The following OSBPL7 variants were observed in gnomAD, a reference collection of about 807,000 sequenced individuals.
OSBPL7 encodes the protein oxysterol binding protein like 7.
A neutral mutation model predicts 115.8 loss-of-function variants in OSBPL7; 66 were observed. The ratio of observed to expected loss-of-function variants is 0.57; its 90% CI spans 0.47 to 0.70. The LOEUF is 0.70. Ranked by LOEUF, OSBPL7 falls within the 30% of genes least tolerant of loss-of-function variation. The pLI is 0.00. For missense variants in OSBPL7, 902 were observed against 1,125.5 expected, an observed-to-expected ratio of 0.80 and a Z score of 2.84; for synonymous variants, 441 against 439.2, an observed-to-expected ratio of 1.00 and a Z score of -0.05.
chr17:47,817,705 CT>C (rs2033269659), intron 7 of OSBPL7, among the ~76,000 whole-genome samples: 1 of 152,108 alleles, frequency 6.6e-6, no homozygotes, highest in Non-Finnish European at 1.5e-5. Context: ...GGACATGACT[CT>C]CCCAACACTG....
rs1299925779 is a variant in OSBPL7, at chr17:47,810,630, A to G, written c.1844T>C (p.Ile615Thr). The change falls in exon 18 of 23, where the codon ATT becomes ACT. Residue 615 changes from isoleucine to threonine, a missense_variant. Ile to Thr is a moderately conservative substitution (Grantham distance 89). This residue lies in a region of OSBPL7 where 230 missense variants were observed against 312.7 expected (regional missense o/e 0.74). Coordinates refer to ENST00000007414, the MANE Select transcript of OSBPL7 (RefSeq NM_145798.3). The part of the protein sequence containing the change: ...KNKFWGKSLE[I>T]VPVGTVNVSL... ...GACGTTGACTGTTCCCACAGGCACAATCTCCAGGGATTTGCCCCAGAACTT... is the reference window on the plus strand; with the variant it reads ...GACGTTGACTGTTCCCACAGGCACAGTCTCCAGGGATTTGCCCCAGAACTT... 1.2e-6 allele frequency: 2 copies of G among 1,614,182 alleles called. No individual in the cohort carries two copies. The highest frequency in any genetic ancestry group is 1.7e-5 in the Admixed American group (1 of 60,020).
Position 47,807,939 on chromosome 17 carries a change from C to A in OSBPL7, c.*352G>T. The A allele has an allele frequency of 3.4e-6, 1 of 295,966 alleles. No homozygotes were observed. The highest frequency in any genetic ancestry group is 6.5e-6 in the Non-Finnish European group (1 of 152,716). The allele number at this position is 295,966 out of a possible 1,614,324, so 18.3% of individuals were successfully genotyped here. ...AGCCTGGGGAGCGTCAAGGAGTCCC[C>A]TGTGTCCTAGGAAGGCACTGAAATA... On this transcript the variant is annotated 3_prime_UTR_variant, in exon 23 of 23. Transcript: ENST00000007414.
chr17:47,817,778 T>G (rs2033271277), intron 7 of OSBPL7, among the ~76,000 whole-genome samples: 1 of 152,192 alleles, frequency 6.6e-6, no homozygotes, highest in Admixed American at 6.5e-5. Flanking sequence ...TCGCTACCCC[T>G]GTTGGTGTGG....
At chr17:47,810,899 C>T (rs146873928) in intron 16 of OSBPL7, 64 bp from the exon 17 acceptor site, 10 of 1,501,600 alleles carry the variant, frequency 6.7e-6, no homozygotes, top group African/African-American at 1.4e-5. Flanking sequence ...CCCAAAGTCC[C>T]TTATTCCCAC....
At chr17:47,818,641 G>A in intron 5 of OSBPL7, 25 bp from the exon 6 acceptor site, 1 of 1,588,432 alleles carries the variant, frequency 6.3e-7, no homozygotes, top group Non-Finnish European at 8.6e-7. Flanking sequence ...GAGAGGGGGA[G>A]GGCTATCTGA....
intron 12 of OSBPL7, 182 bp downstream of exon 12, chr17:47,815,925 A>C: frequency 1.8e-6 from 1 of 558,882 alleles, no homozygotes; most frequent in Non-Finnish European, 3.2e-6. Context: ...AGTACCCTGC[A>C]CGTTGTTACA....
chr17:47,809,199 C>T lies in OSBPL7; in HGVS notation c.2047G>A (p.Val683Ile), dbSNP rs1295865849. 2 of 1,614,070 alleles carry T rather than the reference C, an allele frequency of 1.2e-6. No homozygotes were observed. Among genetic ancestry groups the T allele is most frequent in the East Asian group, 2.2e-5 (1 of 44,900 alleles). The change falls in exon 20 of 23, where the codon GTC becomes ATC. Residue 683 changes from valine to isoleucine, a missense_variant. Physicochemically the swap from Val to Ile is conservative, Grantham distance 29. Transcript: ENST00000007414. ...FCKAKYWSSN[V>I]HEVQGAVLSR... ...AGCACAGCGCCCTGCACCTCGTGGA[C>T]ATTGGAACTCCAGTACTTGGCCTGG...
Position 47,808,116 on chromosome 17 carries a change from T to G in OSBPL7, c.*175A>C. The G allele has an allele frequency of 1.7e-6, 1 of 590,728 alleles. No individual in the cohort carries two copies. The highest frequency in any genetic ancestry group is 3.0e-6 in the Non-Finnish European group (1 of 331,278). The allele number at this position is 590,728 out of a possible 1,614,324, so 36.6% of individuals were successfully genotyped here. On this transcript the variant is annotated 3_prime_UTR_variant, in exon 23 of 23. Transcript: ENST00000007414. This position sits in a 1 kb window ranked among gnomAD's most constrained non-coding sequence, Gnocchi z 6.1. ...CTGCTTCTCACCCCAAACGGTGGGG[T>G]TGGGGGTGGGCTGAGATGCAGACCC... is the stretch of plus-strand genomic sequence containing the variant.
Position 47,818,534 on chromosome 17 carries a change from C to A in OSBPL7, c.452G>T (p.Gly151Val). 1 of 1,608,682 alleles carries A rather than the reference C, an allele frequency of 6.2e-7. No homozygotes were observed. Among genetic ancestry groups the A allele is most frequent in the Non-Finnish European group, 8.5e-7 (1 of 1,177,398 alleles). ...CCGGTGAGCAGTACTGGGCAGTGAG[C>A]CACGGGGCATGTCCAGGCGGTGGGC... is the stretch of plus-strand genomic sequence containing the variant. Reference protein sequence around the residue: ...RLAHRLDMPRGSLPSTAHRKV... With the variant: ...RLAHRLDMPRVSLPSTAHRKV... The change falls in exon 6 of 23, where the codon GGC becomes GTC. Residue 151 changes from glycine to valine, a missense_variant. Gly to Val is a moderately radical substitution (Grantham distance 109, BLOSUM62 -3). Coordinates refer to ENST00000007414, the MANE Select transcript of OSBPL7 (RefSeq NM_145798.3).
At position 47,815,252 on chromosome 17, in the gene OSBPL7, C is replaced by T; in HGVS notation, c.1220G>A (p.Cys407Tyr). 6.2e-7 allele frequency: 1 copy of T among 1,613,896 alleles called. No individual in the cohort carries two copies. The highest frequency in any genetic ancestry group is 8.5e-7 in the Non-Finnish European group (1 of 1,179,940). The change falls in exon 13 of 23, where the codon TGC becomes TAC. Residue 407 changes from cysteine to tyrosine, a missense_variant. Transcript: ENST00000007414. ...AGAGCTGGCGGAGAGGAGAACCTCGCAGGCATCGAAGAACTCCGTGTGGGA... is the reference window on the plus strand; with the variant it reads ...AGAGCTGGCGGAGAGGAGAACCTCGTAGGCATCGAAGAACTCCGTGTGGGA... ...ADSHTEFFDA[C>Y]EVLLSASSSE...
intron 14 of OSBPL7, 35 bp downstream of exon 14, chr17:47,814,483 GCCT>G: frequency 6.5e-5 from 27 of 418,550 alleles, no homozygotes; most frequent in Non-Finnish European, 1.1e-4. Flanking sequence ...TTTTCCACCC[GCCT>G]CCCACCCCTC....
Position 47,807,943 on chromosome 17 carries a change from G to A in OSBPL7, c.*348C>T. The A allele has an allele frequency of 3.1e-6, 1 of 319,236 alleles. No individual in the cohort carries two copies. Among genetic ancestry groups the A allele is most frequent in the South Asian group, 3.9e-5 (1 of 25,424 alleles). The allele number at this position is 319,236 out of a possible 1,614,324, so 19.8% of individuals were successfully genotyped here. ...TGGGGAGCGTCAAGGAGTCCCCTGT[G>A]TCCTAGGAAGGCACTGAAATAGGGA... On this transcript the variant is annotated 3_prime_UTR_variant, in exon 23 of 23. Transcript: ENST00000007414.
At position 47,816,616 on chromosome 17, in the gene OSBPL7, G is replaced by A. The variant is rs772481347; in HGVS notation, c.875C>T (p.Pro292Leu). The A allele has an allele frequency of 4.5e-5, 73 of 1,613,688 alleles. No individual in the cohort carries two copies. The highest frequency in any genetic ancestry group is 5.9e-5 in the Non-Finnish European group (70 of 1,179,952). The change falls in exon 10 of 23, where the codon CCA becomes CTA. Residue 292 changes from proline to leucine, a missense_variant. Around this residue, in one of 3 missense-constraint regions of OSBPL7, gnomAD observed 667 missense variants for 788.7 expected, o/e 0.85. Coordinates refer to ENST00000007414, the MANE Select transcript of OSBPL7 (RefSeq NM_145798.3). The surrounding 1 kb of genome is among the most constrained non-coding windows in gnomAD (Gnocchi z 5.8). ...CTGCAGGTGGGCATAGTCTGTGGGT[G>A]GCAGCCCACGGGTGCCCGAGGAGTC... ...SRDSSGTRGL[P>L]PTDYAHLQRS...
intron 18 of OSBPL7, among the ~76,000 whole-genome samples, chr17:47,809,886 ATTTTCTTTTC>A (rs201925618): frequency 0.011 from 1,517 of 141,100 alleles, 25 homozygotes; most frequent in African/African-American, 0.037. Context: ...TTGCATCACT[ATTTTCTTTTC>A]TTTTCTTTTC....
Position 47,809,401 on chromosome 17 carries a change from T to A in OSBPL7, c.1958A>T (p.His653Leu). ...GTTTCGGATGAGCACCTCCCCATAG[T>A]GCTCGATCCAGCGCTGACCACTCAG... is the stretch of plus-strand genomic sequence containing the variant. The part of the protein sequence containing the change: ...NVLSGQRWIE[H>L]YGEVLIRNTQ... The change falls in exon 19 of 23, where the codon CAC becomes CTC. Residue 653 changes from histidine (H) to leucine (L), a missense_variant. His to Leu is a moderately conservative substitution (Grantham distance 99). Transcript: ENST00000007414. The A allele has an allele frequency of 6.2e-7, 1 of 1,614,156 alleles. No individual in the cohort carries two copies. Among genetic ancestry groups the A allele is most frequent in the Non-Finnish European group, 8.5e-7 (1 of 1,180,014 alleles).
chr17:47,817,021 G>A (rs1376780811), intron 8 of OSBPL7, 149 bp from the exon 9 acceptor site: 10 of 803,380 alleles, frequency 1.2e-5, no homozygotes, highest in Middle Eastern at 2.4e-4. Flanking sequence ...CAGGCAGGGC[G>A]ACAGAGACAA....
At chr17:47,812,232 G>A (rs567753701) in intron 16 of OSBPL7, among the ~76,000 whole-genome samples, 6 of 152,136 alleles carry the variant, frequency 3.9e-5, no homozygotes, top group South Asian at 4.2e-4. Context: ...CCTTCCTCAC[G>A]CAGGAAGCCG....
intron 5 of OSBPL7, 134 bp from the exon 6 acceptor site, chr17:47,818,750 CAGGG>C (rs2033308492): frequency 3.4e-6 from 3 of 872,186 alleles, no homozygotes; most frequent in Non-Finnish European, 5.3e-6. Flanking sequence ...GGCTCACTTG[CAGGG>C]AGACAGAGCG....
chr17:47,819,184 T>G, intron 4 of OSBPL7, 85 bp from the exon 5 acceptor site: 1 of 1,150,428 alleles, frequency 8.7e-7, no homozygotes, highest in Non-Finnish European at 1.3e-6. Context: ...GATGCCATTC[T>G]AGGCTCAAGG....
Sources: gnomAD v4.1 joint callset for allele counts (sites outside exome capture counted in the v4.1 genomes callset) on GRCh38, gnomAD v4.1.1 for gene constraint, gnomAD v4.1.1 regional missense constraint, Gnocchi (gnomAD v3.1) non-coding constraint, MANE v1.5 for transcripts, NCBI Gene and HGNC (gene_info 2026-07-23, HGNC 2026-07-21) for gene names.